Variants in VPS51 observed in about 807,000 individuals in gnomAD.
VPS51 encodes the protein VPS51 subunit of GARP complex.
In VPS51, 55 loss-of-function variants were observed where a neutral mutation model predicts 65.1. The observed-to-expected ratio is 0.84, with a 90% CI of 0.68 to 1.06. The LOEUF is 1.06. Among genes scored for constraint, VPS51 ranks in the 50% least tolerant of loss-of-function variants. VPS51 has a pLI of 0.00. For synonymous variants in VPS51, 473 were observed against 489.5 expected (o/e 0.97, Z 0.44); for missense variants, 943 against 1,101.6 (o/e 0.86, Z 2.04).
Position 65,099,410 on chromosome 11 carries a change from A to G in VPS51, c.358+2283A>G, listed in dbSNP as rs560143934. 2.6e-5 allele frequency among the ~76,000 whole-genome samples: 4 copies of G among 152,300 alleles called. No individual in the cohort carries two copies. The East Asian group carries it at 7.7e-4, about 29-fold the overall frequency. On this transcript the variant is annotated intron_variant, in intron 2 of 9. Coordinates refer to ENST00000279281, the MANE Select transcript of VPS51 (RefSeq NM_013265.4). ...AACTAGAAACCTTCCAGAATGTATT[A>G]GGGATTTGGCTTTTATCCACAGAGA...
At chr11:65,101,889 A>G (rs1242022067) in intron 2 of VPS51, among the ~76,000 whole-genome samples, 1 of 151,882 alleles carries the variant, frequency 6.6e-6, no homozygotes, top group Non-Finnish European at 1.5e-5. Flanking sequence ...AGGTCGGGAA[A>G]CAGCATAACC....
intron 5 of VPS51, 169 bp downstream of exon 5, chr11:65,109,083 G>C: frequency 9.6e-7 from 1 of 1,044,796 alleles, no homozygotes; most frequent in Non-Finnish European, 1.4e-6. Context: ...GCTGGGCTGA[G>C]AAGCAGGGCA....
chr11:65,096,523 G>A, intron 1 of VPS51, 45 bp downstream of exon 1: 3 of 1,350,350 alleles, frequency 2.2e-6, no homozygotes, highest in Non-Finnish European at 3.0e-6. Flanking sequence ...GGGGGGAAGG[G>A]AACCAGGCCC....
chr11:65,096,911 T>A (rs1239996089), intron 1 of VPS51, 87 bp from the exon 2 acceptor site: 1 of 1,557,754 alleles, frequency 6.4e-7, no homozygotes, highest in Non-Finnish European at 8.7e-7. Flanking sequence ...ATCAGAGATT[T>A]CTTGCCCTGA....
intron 2 of VPS51, among the ~76,000 whole-genome samples, chr11:65,097,996 A>G (rs2137179119): frequency 6.6e-6 from 1 of 152,326 alleles, no homozygotes; most frequent in Middle Eastern, 3.4e-3. Flanking sequence ...AGCCTGGCCA[A>G]TATGGTGAAA....
intron 2 of VPS51, among the ~76,000 whole-genome samples, chr11:65,101,026 A>G (rs1383785305): frequency 2.0e-5 from 3 of 152,234 alleles, no homozygotes; most frequent in Non-Finnish European, 4.4e-5. Context: ...TCATATGCCT[A>G]TGATTCCATT....
In VPS51 at chr11:65,096,488, C is replaced by T; in HGVS notation, c.228+10C>T. ...AGTTTACCTAGACAAGGTGTGTGCG[C>T]ACGGGGAGTGGGGGGGTGCGGGGAG... is the stretch of plus-strand genomic sequence containing the variant. On this transcript the variant is annotated intron_variant, in intron 1 of 9. Coordinates refer to ENST00000279281, the MANE Select transcript of VPS51 (RefSeq NM_013265.4). The T allele has an allele frequency of 9.7e-7, 1 of 1,033,250 alleles. No individual in the cohort carries two copies. The highest frequency in any genetic ancestry group is 1.5e-5 in the South Asian group (1 of 68,532). The allele number at this position is 1,033,250 out of a possible 1,614,324, so 64.0% of individuals were successfully genotyped here. A position where few individuals can be genotyped will look rare whatever the true frequency, so the allele number is the denominator to read the frequency against.
chr11:65,102,558 GC>G (rs1331394272), intron 2 of VPS51, among the ~76,000 whole-genome samples: 2 of 152,180 alleles, frequency 1.3e-5, no homozygotes, highest in East Asian at 3.8e-4. Context: ...TCTTGAGGTA[GC>G]CCCTAAGTGT....
chr11:65,102,148 C>G (rs1301030849), intron 2 of VPS51, among the ~76,000 whole-genome samples: 1 of 151,140 alleles, frequency 6.6e-6, no homozygotes, highest in South Asian at 2.1e-4. Flanking sequence ...CTTCCAAGTA[C>G]CTGGGATTAC....
rs772020457 is a variant in VPS51, at chr11:65,110,785, C to T, written c.2088+4C>T. On this transcript the variant is annotated splice_donor_region_variant and intron_variant, in intron 9 of 9. Coordinates refer to ENST00000279281, the MANE Select transcript of VPS51 (RefSeq NM_013265.4). Reference sequence around the variant, plus strand: ...CAGCCCTGTGGAGTTCAACAAGGTCCGACTTCCAACGTGACTCAGACTTCC... The same window carrying T: ...CAGCCCTGTGGAGTTCAACAAGGTCTGACTTCCAACGTGACTCAGACTTCC... The T allele has an allele frequency of 6.2e-7, 1 of 1,613,984 alleles. No individual in the cohort carries two copies. Among genetic ancestry groups the T allele is most frequent in the Non-Finnish European group, 8.5e-7 (1 of 1,180,022 alleles).
At position 65,108,733 on chromosome 11, in the gene VPS51, G is replaced by A. The variant is rs1242498086; in HGVS notation, c.1262G>A (p.Cys421Tyr). The change falls in exon 5 of 10, where the codon TGC becomes TAC. Residue 421 changes from cysteine to tyrosine, a missense_variant. By Grantham distance (194) the Cys-to-Tyr change is radical. Around this residue, in one of 2 missense-constraint regions of VPS51, gnomAD observed 855 missense variants for 953.7 expected, o/e 0.90. Transcript: ENST00000279281. Reference sequence around the variant, plus strand: ...GGTCTCCGGGCGGCCTTCCTGGGCTGCCTGACAGACGTCCGCCAGGCGCTG... The same window carrying A: ...GGTCTCCGGGCGGCCTTCCTGGGCTACCTGACAGACGTCCGCCAGGCGCTG... ...LQGLRAAFLG[C>Y]LTDVRQALAA... 2 of 1,610,590 alleles carry A rather than the reference G, an allele frequency of 1.2e-6. No individual in the cohort carries two copies. Among genetic ancestry groups the A allele is most frequent in the Admixed American group, 3.3e-5 (2 of 59,938 alleles).
chr11:65,107,170 T>C lies in VPS51; in HGVS notation c.359-411T>C. ...GAAAGGAGATGAGGGTCAACAAGAA[T>C]GTATTGCCTCATCCAGGCAGTGCGC... On this transcript the variant is annotated intron_variant, in intron 2 of 9. Coordinates refer to ENST00000279281, the MANE Select transcript of VPS51 (RefSeq NM_013265.4). The surrounding 1 kb of genome is among the most constrained non-coding windows in gnomAD (Gnocchi z 4.0). 1 of 466,434 alleles carries C rather than the reference T, an allele frequency of 2.1e-6. No individual in the cohort carries two copies. The highest frequency in any genetic ancestry group is 4.3e-6 in the Non-Finnish European group (1 of 234,316). 28.9% of individuals were successfully genotyped at this position (466,434 alleles called of 1,614,324 possible). A position where few individuals can be genotyped will look rare whatever the true frequency, so the allele number is the denominator to read the frequency against.
rs1947904082 is a variant in VPS51 at position 65,111,643 on chromosome 11, G to A, written c.*56G>A. On this transcript the variant is annotated 3_prime_UTR_variant, in exon 10 of 10. Transcript: ENST00000279281. Reference sequence around the variant, plus strand: ...CTGCACCCCATGGCACCCAGGATCTGGTCTCGGTGGTCCTTCCCCGCAGGC... The same window carrying A: ...CTGCACCCCATGGCACCCAGGATCTAGTCTCGGTGGTCCTTCCCCGCAGGC... 2.0e-6 allele frequency: 3 copies of A among 1,529,622 alleles called. No homozygotes were observed. Among genetic ancestry groups the A allele is most frequent in the Non-Finnish European group, 2.6e-6 (3 of 1,141,566 alleles). 94.8% of individuals were successfully genotyped at this position (1,529,622 alleles called of 1,614,324 possible). A position where few individuals can be genotyped will look rare whatever the true frequency, so the allele number is the denominator to read the frequency against.
At chr11:65,099,309 G>C (rs1288279843) in intron 2 of VPS51, among the ~76,000 whole-genome samples, 1 of 152,178 alleles carries the variant, frequency 6.6e-6, no homozygotes, top group Non-Finnish European at 1.5e-5. Flanking sequence ...TCAGCAAAGG[G>C]CCGGGAGCTC....
intron 6 of VPS51, 34 bp from the exon 7 acceptor site, chr11:65,109,671 C>T (rs1021730030): frequency 6.5e-7 from 1 of 1,537,368 alleles, no homozygotes; most frequent in Non-Finnish European, 8.8e-7. Flanking sequence ...CCCCACCATA[C>T]CCACTCCCTC....
At chr11:65,097,225 G>C in intron 2 of VPS51, 98 bp downstream of exon 2, 1 of 1,534,456 alleles carries the variant, frequency 6.5e-7, no homozygotes, top group Non-Finnish European at 8.9e-7. Context: ...GGGAGACTCA[G>C]ATTCCAGTCT....
intron 1 of VPS51, chr11:65,096,791 T>C: frequency 1.3e-6 from 1 of 771,664 alleles, no homozygotes; most frequent in Non-Finnish European, 2.0e-6. Context: ...GGATTTCAAA[T>C]GCTGACAAAC....
At chr11:65,103,779 T>C (rs1947824203) in intron 2 of VPS51, among the ~76,000 whole-genome samples, 1 of 152,148 alleles carries the variant, frequency 6.6e-6, no homozygotes, top group Non-Finnish European at 1.5e-5. Context: ...TCTTTGTAAA[T>C]GCTGATCAGT....
At chr11:65,111,284 C>T in intron 9 of VPS51, 43 bp from the exon 10 acceptor site, 1 of 1,598,644 alleles carries the variant, frequency 6.3e-7, no homozygotes, top group Non-Finnish European at 8.5e-7. Context: ...CCCCCACACA[C>T]ACCTGCAGTC....
Sources: allele counts gnomAD v4.1 joint callset (sites outside exome capture counted in the v4.1 genomes callset), GRCh38; gene constraint gnomAD v4.1.1; regional missense constraint gnomAD v4.1.1; non-coding constraint Gnocchi (gnomAD v3.1); transcripts MANE v1.5; gene names NCBI Gene and HGNC (gene_info 2026-07-23, HGNC 2026-07-21).